The following EP400 variants were observed in gnomAD, a reference collection of about 807,000 sequenced individuals.
The protein encoded by EP400 is E1A binding protein p400.
A neutral mutation model predicts 354.1 loss-of-function variants in EP400; 105 were observed. The observed-to-expected ratio is 0.30, with a 90% CI of 0.25 to 0.35. EP400 has a LOEUF of 0.35. EP400 is among the 10% of genes least tolerant of loss of function. The pLI is 1.00. For missense variants in EP400, 3,280 were observed against 4,121.0 expected (o/e 0.80, Z 5.59); for synonymous variants, 1,646 against 1,716.9 (o/e 0.96, Z 1.02).
intron 51 of EP400, among the ~76,000 whole-genome samples, chr12:132,073,918 G>GGTTT (rs1896143027): frequency 8.2e-6 from 1 of 121,228 alleles, no homozygotes; most frequent in Non-Finnish European, 1.7e-5. Flanking sequence ...TGTTTTTTGG[G>GGTTT]GTTTTTTTTT....
chr12:132,075,667 A>G lies in EP400; in HGVS notation c.9022-849A>G, dbSNP rs929067691. The G allele has an allele frequency of 6.6e-6, 1 of 152,238 alleles. No individual in the cohort carries two copies. 9.4% of individuals were successfully genotyped at this position (152,238 alleles called of 1,614,324 possible). The stretch of plus-strand genomic sequence containing the variant: ...TTGATTTTAATTTTAGTAAGGACTA[A>G]CATTTATTTCGACCTTTGTTCATGT... On this transcript the variant is annotated intron_variant, in intron 51 of 52. Transcript: ENST00000389561. This position sits in a 1 kb window ranked among gnomAD's most constrained non-coding sequence, Gnocchi z 4.5.
intron 51 of EP400, chr12:132,076,100 C>G (rs563817295): frequency 4.4e-6 from 1 of 227,546 alleles, no homozygotes; most frequent in Non-Finnish European, 9.0e-6. Context: ...TTCCCCACTT[C>G]AGCTGGCTGC....
chr12:131,994,854 A>G lies in EP400; in HGVS notation c.2738-13A>G. 1 of 1,613,556 alleles carries G rather than the reference A, an allele frequency of 6.2e-7. No homozygotes were observed. The highest frequency in any genetic ancestry group is 8.5e-7 in the Non-Finnish European group (1 of 1,179,626). On this transcript the variant is annotated splice_polypyrimidine_tract_variant and intron_variant, in intron 11 of 52. Coordinates refer to ENST00000389561, the MANE Select transcript of EP400 (RefSeq NM_015409.5). The surrounding 1 kb of genome is among the most constrained non-coding windows in gnomAD (Gnocchi z 4.6). ...TGTTGCCTCTCAGTGACACTTGCTG[A>G]TAACCATTTTAGTGGACGATGAAGA...
Position 131,955,592 on chromosome 12 carries a change from T to C in EP400, c.-35-4993T>C, listed in dbSNP as rs548696933. Among the ~76,000 whole-genome samples, 44 of 151,328 alleles carry C rather than the reference T, an allele frequency of 2.9e-4. 1 individual carries two copies. In the South Asian group the frequency reaches 9.0e-3, roughly 31 times the overall value. On this transcript the variant is annotated intron_variant, in intron 1 of 52. Coordinates refer to ENST00000389561, the MANE Select transcript of EP400 (RefSeq NM_015409.5). ...CCAGCGTGCTCATCCAAGTTTATGC[T>C]TTTTAGTGTATGGTTGAATTTTTTT... is the stretch of plus-strand genomic sequence containing the variant.
intron 29 of EP400, among the ~76,000 whole-genome samples, 169 bp from the exon 30 acceptor site, chr12:132,031,784 T>G (rs1484337236): frequency 6.6e-6 from 1 of 152,110 alleles, no homozygotes; most frequent in Non-Finnish European, 1.5e-5. Flanking sequence ...CTCGATCTGC[T>G]GACCTTGTGA....
In EP400 at chr12:132,050,635, C is replaced by G. The variant is rs775870953; in HGVS notation, c.7374C>G (p.His2458Gln). Residue 2458 changes from histidine (H) to glutamine (Q), a missense_variant, in exon 41 of 53, where the codon CAC (histidine) becomes CAG (glutamine). His to Gln is a conservative substitution (Grantham distance 24). Transcript: ENST00000389561. This position sits in a 1 kb window ranked among gnomAD's most constrained non-coding sequence, Gnocchi z 4.8. Reference protein sequence around the residue: ...GMNPFQKNPKHASVLAESGIN... With the variant: ...GMNPFQKNPKQASVLAESGIN... Reference sequence around the variant, plus strand: ...ATCCCTTTCAGAAGAACCCCAAGCACGCGTCTGTGTTGGCAGAAAGGTATT... The same window carrying G: ...ATCCCTTTCAGAAGAACCCCAAGCAGGCGTCTGTGTTGGCAGAAAGGTATT... 6.2e-7 allele frequency: 1 copy of G among 1,614,190 alleles called. No individual in the cohort carries two copies. The highest frequency in any genetic ancestry group is 8.5e-7 in the Non-Finnish European group (1 of 1,180,038).
At position 132,045,414 on chromosome 12, in the gene EP400, A is replaced by G. The variant is rs567111013; in HGVS notation, c.6880A>G (p.Arg2294Gly). The G allele has an allele frequency of 6.2e-7, 1 of 1,614,132 alleles. No homozygotes were observed. Among genetic ancestry groups the G allele is most frequent in the Non-Finnish European group, 8.5e-7 (1 of 1,180,054 alleles). The change falls in exon 38 of 53, where the codon AGA becomes GGA. Residue 2294 changes from arginine to glycine, a missense_variant. By Grantham distance (125) the Arg-to-Gly change is moderately radical. Around this residue, in one of 20 missense-constraint regions of EP400, gnomAD observed 231 missense variants for 257.9 expected, o/e 0.90. Coordinates refer to ENST00000389561, the MANE Select transcript of EP400 (RefSeq NM_015409.5). ...AACACCAGGACTTCTGAAAATTCGC[A>G]GAGAGGGCAAGGAGCAGAAGAAGAA... Reference protein sequence around the residue: ...RATPGLLKIRREGKEQKKNIL... With the variant: ...RATPGLLKIRGEGKEQKKNIL...
rs368803847 is a variant in EP400 at position 131,989,970 on chromosome 12, A to C, written c.2416A>C (p.Arg806=). Residue 806 remains arginine, a synonymous_variant, in exon 8 of 53, where the codon AGA becomes CGA. Transcript: ENST00000389561. ...WKVAAAKKLV[R]TVVRHHEEKQ... ...TTGCACTTTTATTCACCAGCTCGTT[A>C]GAACTGTGGTGCGCCATCACGAGGA... is the stretch of plus-strand genomic sequence containing the variant. 1.5e-5 allele frequency: 24 copies of C among 1,613,694 alleles called. No individual in the cohort carries two copies. Among genetic ancestry groups the C allele is most frequent in the Non-Finnish European group, 1.9e-5 (22 of 1,179,930 alleles).
At position 132,066,759 on chromosome 12, in the gene EP400, A is replaced by C; in HGVS notation, c.8554-15A>C. Reference sequence around the variant, plus strand: ...CTGAATTTCTCTGGACTCTCCCATTATTTCTACTGTTTAGACCCGGGTTCC... The same window carrying C: ...CTGAATTTCTCTGGACTCTCCCATTCTTTCTACTGTTTAGACCCGGGTTCC... On this transcript the variant is annotated splice_polypyrimidine_tract_variant and intron_variant, in intron 48 of 52. Coordinates refer to ENST00000389561, the MANE Select transcript of EP400 (RefSeq NM_015409.5). 1 of 1,608,380 alleles carries C rather than the reference A, an allele frequency of 6.2e-7. No homozygotes were observed. The highest frequency in any genetic ancestry group is 8.5e-7 in the Non-Finnish European group (1 of 1,178,102).
At chr12:132,063,628 T>C (rs1316970748) in intron 47 of EP400, among the ~76,000 whole-genome samples, 1 of 152,178 alleles carries the variant, frequency 6.6e-6, no homozygotes, top group Non-Finnish European at 1.5e-5. Flanking sequence ...AGCTCACTGT[T>C]GGGCCTGCCG....
chr12:131,953,101 C>T (rs1185230785), intron 1 of EP400, among the ~76,000 whole-genome samples: 1 of 152,116 alleles, frequency 6.6e-6, no homozygotes, highest in South Asian at 2.1e-4. Flanking sequence ...GGTGAAAAAA[C>T]TTAGGCATTA....
chr12:132,011,718 A>G lies in EP400; in HGVS notation c.3441+84A>G. 13 of 1,415,598 alleles carry G rather than the reference A, an allele frequency of 9.2e-6. No homozygotes were observed. The South Asian group carries it at 1.5e-4, about 17-fold the overall frequency. 87.7% of individuals were successfully genotyped at this position (1,415,598 alleles called of 1,614,324 possible). On this transcript the variant is annotated intron_variant, in intron 16 of 52. Transcript: ENST00000389561. ...AAGACACATTAAAAAATGTGAAGAC[A>G]TGCTTATTCATGGAATTATTAAAGA...
intron 1 of EP400, among the ~76,000 whole-genome samples, chr12:131,955,837 G>C (rs1190543916): frequency 2.0e-5 from 3 of 151,660 alleles, no homozygotes; most frequent in African/African-American, 7.3e-5. Context: ...TAGAGACGGG[G>C]GTTTCACCAT....
chr12:131,978,813 T>TG (rs746167223), intron 2 of EP400, among the ~76,000 whole-genome samples: 7 of 152,208 alleles, frequency 4.6e-5, no homozygotes, highest in Non-Finnish European at 7.3e-5. Flanking sequence ...CACCTGGTGA[T>TG]GGCTTTTTTT....
At chr12:131,993,646 A>T (rs1436807042) in intron 11 of EP400, among the ~76,000 whole-genome samples, 2 of 152,258 alleles carry the variant, frequency 1.3e-5, no homozygotes, top group East Asian at 3.8e-4. Context: ...TGTTATGTGA[A>T]CGTACAAAGT....
chr12:132,043,185 A>G, intron 32 of EP400, 119 bp from the exon 33 acceptor site: 1 of 1,091,848 alleles, frequency 9.2e-7, no homozygotes, highest in Non-Finnish European at 1.3e-6. Flanking sequence ...GATTACCTTT[A>G]TGGAGAGTGG....
chr12:131,987,979 C>A, intron 7 of EP400, 89 bp downstream of exon 7: 1 of 874,156 alleles, frequency 1.1e-6, no homozygotes, highest in Non-Finnish European at 1.5e-6. Flanking sequence ...GGTCTCCAGA[C>A]CCACTTTTTT....
At chr12:131,967,912 C>G (rs554757755) in intron 2 of EP400, among the ~76,000 whole-genome samples, 2 of 152,012 alleles carry the variant, frequency 1.3e-5, no homozygotes, top group Non-Finnish European at 2.9e-5. Flanking sequence ...ATTTGCTGTT[C>G]GTATATCTTT....
chr12:131,964,231 C>T (rs1891999312), intron 2 of EP400, among the ~76,000 whole-genome samples: 1 of 152,174 alleles, frequency 6.6e-6, no homozygotes, highest in Admixed American at 6.5e-5. Context: ...CTTTGGGAGA[C>T]TGAGGTGCAT....
Sources: allele counts gnomAD v4.1 joint callset (sites outside exome capture counted in the v4.1 genomes callset), GRCh38; gene constraint gnomAD v4.1.1; regional missense constraint gnomAD v4.1.1; non-coding constraint Gnocchi (gnomAD v3.1); transcripts MANE v1.5; gene names NCBI Gene and HGNC (gene_info 2026-07-23, HGNC 2026-07-21).